Variants in AIRE observed in about 807,000 individuals in gnomAD.
The protein encoded by AIRE is autoimmune regulator, also known as autoimmune polyendocrinopathy candidiasis ectodermal dystrophy protein.
A neutral mutation model predicts 62.1 loss-of-function variants in AIRE; 52 were observed. The ratio of observed to expected loss-of-function variants is 0.84; its 90% CI spans 0.67 to 1.06. The LOEUF is 1.06. Ranked by LOEUF, AIRE falls within the 50% of genes least tolerant of loss-of-function variation. The pLI is 0.00. For synonymous variants in AIRE, 342 were observed against 321.6 expected, an observed-to-expected ratio of 1.06 and a Z score of -0.68; for missense variants, 774 against 755.8, an observed-to-expected ratio of 1.02 and a Z score of -0.28.
intron 13 of AIRE, among the ~76,000 whole-genome samples, chr21:44,296,825 G>GT (rs1390937746): frequency 1.4e-5 from 2 of 141,816 alleles, no homozygotes; most frequent in Non-Finnish European, 3.1e-5. Flanking sequence ...GGGCGTGGGA[G>GT]TGGGGGGGGG....
At position 44,293,775 on chromosome 21, in the gene AIRE, G is replaced by C; in HGVS notation, c.1279-14G>C. On this transcript the variant is annotated splice_polypyrimidine_tract_variant and intron_variant, in intron 10 of 13. Transcript: ENST00000291582. ...CCGGCCCCCCGCGTCACCCCGCGCT[G>C]TTGCCTCCCACAGAACCTGGCTCCT... The C allele has an allele frequency of 6.3e-7, 1 of 1,596,002 alleles. No individual in the cohort carries two copies.
chr21:44,291,197 C>A lies in AIRE; in HGVS notation c.982C>A (p.Arg328=). 1.1e-5 allele frequency: 18 copies of A among 1,602,704 alleles called. No individual in the cohort carries two copies. Among genetic ancestry groups the A allele is most frequent in the Non-Finnish European group, 1.5e-5 (18 of 1,179,678 alleles). The stretch of plus-strand genomic sequence containing the variant: ...CCTGGCCTGCCTGTCCCCTCCGCTC[C>A]GGGAGATCCCCAGGTGAGCCTGCAC... ...FHLACLSPPL[R]EIPSGTWRCS... The change falls in exon 8 of 14, where the codon CGG becomes AGG. Residue 328 remains arginine, a synonymous_variant. Transcript: ENST00000291582.
chr21:44,291,127 C>T lies in AIRE; in HGVS notation c.912C>T (p.Asp304=), dbSNP rs149769247. 137 of 1,612,174 alleles carry T rather than the reference C, an allele frequency of 8.5e-5. No individual in the cohort carries two copies. The highest frequency in any genetic ancestry group is 3.3e-4 in the Middle Eastern group (2 of 6,060). The change falls in exon 8 of 14, where the codon GAC becomes GAT. Residue 304 remains aspartate (D), a synonymous_variant. Transcript: ENST00000291582. ...AGGACGAGTGTGCCGTGTGTCGGGA[C>T]GGCGGGGAGCTCATCTGCTGTGACG... The part of the protein sequence containing the change: ...KNEDECAVCR[D]GGELICCDGC...
chr21:44,296,428 G>A lies in AIRE; in HGVS notation c.1549G>A (p.Glu517Lys). 1 of 1,612,560 alleles carries A rather than the reference G, an allele frequency of 6.2e-7. No individual in the cohort carries two copies. Among genetic ancestry groups the A allele is most frequent in the East Asian group, 2.2e-5 (1 of 44,880 alleles). ...GCCCGCTCTGCACAGGGATGACCTG[G>A]AGTCCCTTCTGAGCGAGGTAACGCC... is the stretch of plus-strand genomic sequence containing the variant. ...HEPALHRDDLESLLSEHTFDG... is the reference protein window; with the variant it reads ...HEPALHRDDLKSLLSEHTFDG... Residue 517 changes from glutamate (E) to lysine (K), a missense_variant, in exon 13 of 14, where the codon GAG becomes AAG. Glu to Lys is a moderately conservative substitution (Grantham distance 56). Around this residue, in one of 3 missense-constraint regions of AIRE, gnomAD observed 354 missense variants for 296.1 expected, o/e 1.20. Transcript: ENST00000291582.
At chr21:44,296,344 T>TGGGACA in intron 12 of AIRE, 39 bp from the exon 13 acceptor site, 1 of 1,577,784 alleles carries the variant, frequency 6.3e-7, no homozygotes, top group Non-Finnish European at 8.7e-7. Context: ...ACCAGGGCTG[T>TGGGACA]GGGAGTTGGG....
chr21:44,296,326 G>T lies in AIRE; in HGVS notation c.1504-57G>T, dbSNP rs2040606722. 7 of 1,501,176 alleles carry T rather than the reference G, an allele frequency of 4.7e-6. No individual in the cohort carries two copies. The South Asian group carries it at 7.9e-5, about 17-fold the overall frequency. The allele number at this position is 1,501,176 out of a possible 1,614,324, so 93.0% of individuals were successfully genotyped here. A position where few individuals can be genotyped will look rare whatever the true frequency, so the allele number is the denominator to read the frequency against. On this transcript the variant is annotated intron_variant, in intron 12 of 13. Coordinates refer to ENST00000291582, the MANE Select transcript of AIRE (RefSeq NM_000383.4). ...GCGGCCCCTAGGCCCTGCGGCCTCT[G>T]TACCCCCACCAGGGCTGTGGGAGTT...
chr21:44,292,179 T>C, intron 8 of AIRE, 123 bp from the exon 9 acceptor site: 2 of 793,528 alleles, frequency 2.5e-6, no homozygotes, highest in Middle Eastern at 2.2e-4. Context: ...ATCTCTCTGC[T>C]GTGCCTCGGT....
chr21:44,296,576 C>G, intron 13 of AIRE, 131 bp downstream of exon 13: 1 of 871,680 alleles, frequency 1.1e-6, no homozygotes, highest in African/African-American at 1.7e-5. Context: ...TCAGGCTGTC[C>G]CTGCTCCACC....
In AIRE at chr21:44,297,839, T is replaced by C; in HGVS notation, c.*112T>C. 1.0e-6 allele frequency: 1 copy of C among 987,298 alleles called. No individual in the cohort carries two copies. The highest frequency in any genetic ancestry group is 1.4e-5 in the South Asian group (1 of 73,184). The allele number at this position is 987,298 out of a possible 1,614,324, so 61.2% of individuals were successfully genotyped here. On this transcript the variant is annotated 3_prime_UTR_variant, in exon 14 of 14. Transcript: ENST00000291582. The surrounding 1 kb of genome is among the most constrained non-coding windows in gnomAD (Gnocchi z 4.8). ...ATCAAGAAGGGGACAGCGCCACCTC[T>C]TGTCAGTGCTCGGCTGTAAACAGCT...
Position 44,294,368 on chromosome 21 carries a change from C to G in AIRE, c.1401-33C>G, listed in dbSNP as rs755506328. 4.7e-6 allele frequency: 7 copies of G among 1,478,246 alleles called. No homozygotes were observed. In the African/African-American group the frequency reaches 8.3e-5, roughly 18 times the overall value. The allele number at this position is 1,478,246 out of a possible 1,614,324, so 91.6% of individuals were successfully genotyped here. On this transcript the variant is annotated intron_variant, in intron 11 of 13. Transcript: ENST00000291582. ...CCGGAGGTGGCACTCCTGCTCCCCC[C>G]CAGGGCTGGCAGCCCCTCATCCTCT...
chr21:44,286,831 G>C lies in AIRE; in HGVS notation c.307+100G>C. 6.4e-7 allele frequency: 1 copy of C among 1,563,686 alleles called. No homozygotes were observed. The highest frequency in any genetic ancestry group is 8.8e-7 in the Non-Finnish European group (1 of 1,140,408). On this transcript the variant is annotated intron_variant, in intron 2 of 13. Coordinates refer to ENST00000291582, the MANE Select transcript of AIRE (RefSeq NM_000383.4). The surrounding 1 kb of genome is among the most constrained non-coding windows in gnomAD (Gnocchi z 6.0). ...AACCGGAGTGGTGTTTGAGGAGCCC[G>C]TGGGTGATGTTCCAGGACCGTCTTG...
chr21:44,289,553 G>A (rs2146379025), intron 5 of AIRE, 104 bp from the exon 6 acceptor site: 1 of 1,507,158 alleles, frequency 6.6e-7, no homozygotes, highest in South Asian at 1.2e-5. Context: ...GCAGGCTGTG[G>A]GAACTCCACC....
In AIRE at chr21:44,287,370, CT is replaced by C; in HGVS notation, c.464-143del. ...AAGTAGGCGGGCGGGTCTCATTTCC[CT>C]TTTACTGATGAGAAACCAGAGCCCG... On this transcript the variant is annotated intron_variant, in intron 3 of 13. Coordinates refer to ENST00000291582, the MANE Select transcript of AIRE (RefSeq NM_000383.4). The surrounding 1 kb of genome is among the most constrained non-coding windows in gnomAD (Gnocchi z 4.3). 1.4e-6 allele frequency: 1 copy of C among 725,162 alleles called. No individual in the cohort carries two copies. The highest frequency in any genetic ancestry group is 2.3e-6 in the Non-Finnish European group (1 of 427,848). 44.9% of individuals were successfully genotyped at this position (725,162 alleles called of 1,614,324 possible).
chr21:44,290,458 T>A, intron 7 of AIRE: 2 of 982,294 alleles, frequency 2.0e-6, no homozygotes, highest in Non-Finnish European at 2.4e-6. Flanking sequence ...GTGTGGGGGG[T>A]GCCTGCCGTG....
Position 44,297,761 on chromosome 21 carries a change from A to G in AIRE, c.*34A>G. The G allele has an allele frequency of 3.2e-6, 5 of 1,582,234 alleles. No individual in the cohort carries two copies. Among genetic ancestry groups the G allele is most frequent in the Non-Finnish European group, 4.3e-6 (5 of 1,153,144 alleles). On this transcript the variant is annotated 3_prime_UTR_variant, in exon 14 of 14. Transcript: ENST00000291582. The surrounding 1 kb of genome is among the most constrained non-coding windows in gnomAD (Gnocchi z 4.8). ...GGCCGGGACATGCAGCTCTGATGAG[A>G]GAGTGCTGAGAAGGACACCTCCTTC...
Position 44,290,084 on chromosome 21 carries a change from A to G in AIRE, c.879+16A>G, listed in dbSNP as rs1164734237. 1 of 1,608,698 alleles carries G rather than the reference A, an allele frequency of 6.2e-7. No individual in the cohort carries two copies. The highest frequency in any genetic ancestry group is 1.1e-5 in the South Asian group (1 of 90,572). On this transcript the variant is annotated intron_variant, in intron 7 of 13. Coordinates refer to ENST00000291582, the MANE Select transcript of AIRE (RefSeq NM_000383.4). ...GCTCCACCAGGTAATGCCCTAGACCACAGGAGAGGCCCCTGTCTGCCCTTG... is the reference window on the plus strand; with the variant it reads ...GCTCCACCAGGTAATGCCCTAGACCGCAGGAGAGGCCCCTGTCTGCCCTTG...
chr21:44,291,040 C>T, intron 7 of AIRE, 55 bp from the exon 8 acceptor site: 1 of 1,613,466 alleles, frequency 6.2e-7, no homozygotes, highest in Non-Finnish European at 8.5e-7. Context: ...AGGTGGCTCT[C>T]AGGAGGGTGC....
chr21:44,289,876 G>C, intron 6 of AIRE, 74 bp downstream of exon 6: 5 of 1,608,464 alleles, frequency 3.1e-6, no homozygotes, highest in Non-Finnish European at 4.2e-6. Context: ...GCCTCTGGGG[G>C]AGTGGCTCTG....
chr21:44,289,930 C>A lies in AIRE; in HGVS notation c.799-58C>A, dbSNP rs2040519189. The A allele has an allele frequency of 5.6e-6, 9 of 1,594,620 alleles. No homozygotes were observed. The South Asian group carries it at 1.0e-4, about 18-fold the overall frequency. ...TGCCGAGAGACGCCTGGTGCCACAG[C>A]CATGTGCACCCTCGCTGCTGAGGCT... On this transcript the variant is annotated intron_variant, in intron 6 of 13. Coordinates refer to ENST00000291582, the MANE Select transcript of AIRE (RefSeq NM_000383.4).
Sources: allele counts gnomAD v4.1 joint callset (sites outside exome capture counted in the v4.1 genomes callset), GRCh38; gene constraint gnomAD v4.1.1; regional missense constraint gnomAD v4.1.1; non-coding constraint Gnocchi (gnomAD v3.1); transcripts MANE v1.5; gene names NCBI Gene and HGNC (gene_info 2026-07-23, HGNC 2026-07-21).